RGS7: variants seen among roughly 807,000 people sequenced by gnomAD.
RGS7 encodes regulator of G-protein signaling 7.
Under a neutral mutation model 81.1 loss-of-function variants are expected in RGS7, and 27 were observed. The observed-to-expected ratio is 0.33, with a 90% CI of 0.25 to 0.46. The LOEUF is 0.46. RGS7 is among the 20% of genes least tolerant of loss of function. RGS7 has a pLI of 1.00. For synonymous variants in RGS7, 208 were observed against 207.7 expected (o/e 1.00, Z -0.01); for missense variants, 396 against 607.4 (o/e 0.65, Z 3.66).
At chr1:241,250,728 T>G (rs2148210281) in intron 2 of RGS7, among the ~76,000 whole-genome samples, 1 of 152,308 alleles carries the variant, frequency 6.6e-6, no homozygotes, top group South Asian at 2.1e-4. Flanking sequence ...TGTCAATGGT[T>G]CCTGTCATTT....
At chr1:240,843,173 TAAAATA>T (rs1260830796) in intron 9 of RGS7, among the ~76,000 whole-genome samples, 26 of 139,318 alleles carry the variant, frequency 1.9e-4, no homozygotes, top group African/African-American at 6.1e-4. Context: ...CTCAAAAAAA[TAAAATA>T]AAAATAAAAA....
At chr1:240,835,447 T>A (rs1458082223) in intron 9 of RGS7, among the ~76,000 whole-genome samples, 2 of 152,216 alleles carry the variant, frequency 1.3e-5, no homozygotes, top group Non-Finnish European at 2.9e-5. Context: ...CACCAATTGC[T>A]GGCAAGAATG....
chr1:240,946,493 G>A (rs1420441490), intron 4 of RGS7, among the ~76,000 whole-genome samples: 1 of 152,080 alleles, frequency 6.6e-6, no homozygotes, highest in Non-Finnish European at 1.5e-5. Flanking sequence ...TGTGGTCCCA[G>A]GTACTTGGGA....
chr1:241,234,283 T>C lies in RGS7; in HGVS notation c.78+121416A>G, dbSNP rs117703889. 2.5e-3 allele frequency among the ~76,000 whole-genome samples: 383 copies of C among 152,310 alleles called. 2 individuals carry two copies. Among genetic ancestry groups the C allele is most frequent in the Middle Eastern group, 0.01 (3 of 294 alleles). ...TGCCAGTTGTTTATCGATATCCATC[T>C]TCTCTTTCCAAAACAATAGAACCCC... is the stretch of plus-strand genomic sequence containing the variant. On this transcript the variant is annotated intron_variant, in intron 2 of 18. Transcript: ENST00000440928.
intron 18 of RGS7, among the ~76,000 whole-genome samples, chr1:240,787,490 T>C (rs1342752802): frequency 6.6e-6 from 1 of 152,186 alleles, no homozygotes; most frequent in Non-Finnish European, 1.5e-5. Flanking sequence ...AAGATGTGCT[T>C]CATAACTAAA....
intron 2 of RGS7, among the ~76,000 whole-genome samples, chr1:241,349,703 AG>A (rs1261675393): frequency 1.9e-4 from 29 of 152,224 alleles, no homozygotes; most frequent in Admixed American, 1.8e-3. Context: ...GATATTTTGT[AG>A]GATAGAAGCC....
intron 3 of RGS7, among the ~76,000 whole-genome samples, chr1:241,038,980 GA>G (rs11333892): frequency 0.011 from 1,597 of 150,778 alleles, 22 homozygotes; most frequent in African/African-American, 0.037. Context: ...GAAATAGAAA[GA>G]AAAAAAAGAA....
At chr1:240,787,953 A>G (rs776645637) in intron 18 of RGS7, among the ~76,000 whole-genome samples, 23 of 152,236 alleles carry the variant, frequency 1.5e-4, no homozygotes, top group Non-Finnish European at 3.4e-4. Context: ...AAGTTATAAT[A>G]TATGCTGGCT....
intron 6 of RGS7, among the ~76,000 whole-genome samples, chr1:240,878,123 T>A (rs939618615): frequency 7.9e-5 from 12 of 152,128 alleles, no homozygotes; most frequent in Non-Finnish European, 1.3e-4. Flanking sequence ...CTCCTTTCCG[T>A]CTCTGGAGAG....
At chr1:241,028,854 G>A (rs1186533984) in intron 3 of RGS7, among the ~76,000 whole-genome samples, 1 of 152,116 alleles carries the variant, frequency 6.6e-6, no homozygotes, top group African/African-American at 2.4e-5. Context: ...CCGATGCGAC[G>A]ATGACTACCA....
chr1:240,979,211 G>T (rs1209143103), intron 4 of RGS7, among the ~76,000 whole-genome samples: 4 of 152,046 alleles, frequency 2.6e-5, no homozygotes, highest in African/African-American at 9.7e-5. Flanking sequence ...TTTCCAATAA[G>T]TTAGTTAAGA....
intron 4 of RGS7, among the ~76,000 whole-genome samples, chr1:240,971,180 G>A (rs1203556270): frequency 1.3e-5 from 2 of 152,074 alleles, no homozygotes; most frequent in Non-Finnish European, 2.9e-5. Context: ...CTTCTACCAT[G>A]TGAGGCCACA....
Position 240,930,788 on chromosome 1 carries a change from G to C in RGS7, c.334-20C>G, listed in dbSNP as rs765909894. 60 of 1,612,980 alleles carry C rather than the reference G, an allele frequency of 3.7e-5. No homozygotes were observed. The highest frequency in any genetic ancestry group is 5.1e-5 in the Non-Finnish European group (60 of 1,179,188). On this transcript the variant is annotated intron_variant, in intron 5 of 18. Transcript: ENST00000440928. ...GGGGGTCTGCGGAATGAAAAGAAGT[G>C]GAACCCAGATTAGACAAATAAAAAA...
chr1:241,140,568 T>C lies in RGS7; in HGVS notation c.79-41806A>G, dbSNP rs1219739027. On this transcript the variant is annotated intron_variant, in intron 2 of 18. Transcript: ENST00000440928. ...ACGGGCAAGTGCCACCATGCTTGGC[T>C]AATTTTTAAATTTTTTGTGGAGACA... 3.9e-5 allele frequency among the ~76,000 whole-genome samples: 6 copies of C among 152,216 alleles called. No individual in the cohort carries two copies. In the East Asian group the frequency reaches 1.2e-3, roughly 29 times the overall value.
At chr1:240,796,461 A>G (rs1687079217) in intron 18 of RGS7, among the ~76,000 whole-genome samples, 1 of 152,152 alleles carries the variant, frequency 6.6e-6, no homozygotes, top group Non-Finnish European at 1.5e-5. Context: ...TGAGGTGGGC[A>G]GATCACTTGA....
chr1:241,240,712 AT>A (rs1293293136), intron 2 of RGS7, among the ~76,000 whole-genome samples: 14 of 152,240 alleles, frequency 9.2e-5, no homozygotes, highest in African/African-American at 3.4e-4. Context: ...AAATTATTAC[AT>A]CATAATGTTA....
intron 3 of RGS7, among the ~76,000 whole-genome samples, chr1:240,995,440 G>C (rs572259567): frequency 2.8e-4 from 43 of 152,222 alleles, no homozygotes; most frequent in Admixed American, 2.8e-3. Flanking sequence ...GACTTTTCCA[G>C]TGAAACCATG....
intron 6 of RGS7, among the ~76,000 whole-genome samples, chr1:240,894,771 A>T (rs1222922999): frequency 6.6e-6 from 1 of 151,918 alleles, no homozygotes; most frequent in Non-Finnish European, 1.5e-5. Context: ...TTTCTTTATG[A>T]TACAGTGTTT....
intron 2 of RGS7, among the ~76,000 whole-genome samples, chr1:241,153,418 G>A (rs2068892327): frequency 6.6e-6 from 1 of 152,096 alleles, no homozygotes. Context: ...GAACAATTTG[G>A]TGAAGAAGAG....
Sources: gnomAD v4.1 joint callset for allele counts (sites outside exome capture counted in the v4.1 genomes callset) on GRCh38, gnomAD v4.1.1 for gene constraint, MANE v1.5 for transcripts, NCBI Gene and HGNC (gene_info 2026-07-23, HGNC 2026-07-21) for gene names.